Variants in CMSS1 observed in about 807,000 individuals in gnomAD.
The protein encoded by CMSS1 is protein CMSS1.
Under a neutral mutation model 43.5 loss-of-function variants are expected in CMSS1, and 33 were observed. The observed-to-expected ratio is 0.76, with a 90% CI of 0.57 to 1.01. The LOEUF is 1.01. CMSS1 is among the 50% of genes least tolerant of loss of function. The pLI is 0.00. For synonymous variants in CMSS1, 115 were observed against 117.2 expected, an observed-to-expected ratio of 0.98 and a Z score of 0.12; for missense variants, 313 against 326.4, an observed-to-expected ratio of 0.96 and a Z score of 0.32.
At chr3:99,954,985 C>T (rs1708278806) in intron 1 of CMSS1, among the ~76,000 whole-genome samples, 1 of 152,172 alleles carries the variant, frequency 6.6e-6, no homozygotes, top group Admixed American at 6.5e-5. Context: ...CTGCCATTCT[C>T]CTCTCATCTG....
chr3:100,000,550 C>T (rs1342021604), intron 1 of CMSS1, among the ~76,000 whole-genome samples: 2 of 152,114 alleles, frequency 1.3e-5, no homozygotes, highest in Non-Finnish European at 2.9e-5. Flanking sequence ...AGACAATACT[C>T]CTAAAAGTGA....
At chr3:100,154,878 A>G (rs376934370) in intron 2 of CMSS1, among the ~76,000 whole-genome samples, 3 of 152,324 alleles carry the variant, frequency 2.0e-5, no homozygotes, top group South Asian at 4.1e-4. Flanking sequence ...AGGCTGAGGC[A>G]GGAGAATCAT....
At chr3:100,019,751 TATC>T (rs2064774175) in intron 1 of CMSS1, among the ~76,000 whole-genome samples, 1 of 152,206 alleles carries the variant, frequency 6.6e-6, no homozygotes, top group East Asian at 1.9e-4. Flanking sequence ...TCTACAGAAC[TATC>T]ATCTTTCAAA....
At chr3:100,162,191 T>C in intron 3 of CMSS1, 112 bp from the exon 4 acceptor site, 1 of 802,788 alleles carries the variant, frequency 1.2e-6, no homozygotes, top group Non-Finnish European at 1.9e-6. Context: ...ACATTCACAC[T>C]TGGCTAACAC....
At chr3:100,081,049 T>C (rs910690315) in intron 1 of CMSS1, among the ~76,000 whole-genome samples, 1 of 152,244 alleles carries the variant, frequency 6.6e-6, no homozygotes, top group Non-Finnish European at 1.5e-5. Flanking sequence ...AGGTGTTATT[T>C]TAGACACTCT....
chr3:99,828,916 T>TATCATCCCTCTCAATGCTGCCC lies in CMSS1; in HGVS notation c.64+10905_64+10926dup, dbSNP rs879859859. Among the ~76,000 whole-genome samples the TATCATCCCTCTCAATGCTGCCC allele has an allele frequency of 4.1e-3, 627 of 151,286 alleles. 5 individuals carry two copies. The highest frequency in any genetic ancestry group is 0.014 in the African/African-American group (572 of 41,014). The stretch of plus-strand genomic sequence containing the variant: ...GCCCATCATCCCTCTCAATGCTGCC[T>TATCATCCCTCTCAATGCTGCCC]ATCATCCCTCTCAATGCTGCCCATC... On this transcript the variant is annotated intron_variant, in intron 1 of 9. Transcript: ENST00000421999.
At chr3:99,885,166 C>A (rs1459483287) in intron 1 of CMSS1, among the ~76,000 whole-genome samples, 2 of 152,196 alleles carry the variant, frequency 1.3e-5, no homozygotes, top group African/African-American at 4.8e-5. Flanking sequence ...ACTGTTCCAG[C>A]TGAGTTTGGA....
intron 2 of CMSS1, among the ~76,000 whole-genome samples, chr3:100,148,637 AT>A (rs1477130303): frequency 1.3e-5 from 2 of 152,122 alleles, no homozygotes; most frequent in Non-Finnish European, 2.9e-5. Flanking sequence ...GATAACAATT[AT>A]TTCTTCCTCA....
At chr3:99,843,836 GC>G (rs895446302) in intron 1 of CMSS1, among the ~76,000 whole-genome samples, 1 of 152,152 alleles carries the variant, frequency 6.6e-6, no homozygotes, top group African/African-American at 2.4e-5. Context: ...CCTGAGCTCT[GC>G]CTCCTGTCAG....
intron 1 of CMSS1, among the ~76,000 whole-genome samples, chr3:100,118,471 T>C (rs938397400): frequency 2.0e-5 from 3 of 152,146 alleles, no homozygotes; most frequent in Non-Finnish European, 4.4e-5. Context: ...GCTTTTCACT[T>C]ACAGTTGTAT....
rs569654265 is a variant in CMSS1, at chr3:99,982,338, T to A, written c.64+164295T>A. On this transcript the variant is annotated intron_variant, in intron 1 of 9. Transcript: ENST00000421999. ...CAAACTTTCATTCACCATTAGGTAA[T>A]TTTTTACTTTTTTTTTTTTGAGACA... Among the ~76,000 whole-genome samples, 26 of 152,062 alleles carry A rather than the reference T, an allele frequency of 1.7e-4. No individual in the cohort carries two copies. The East Asian group carries it at 4.4e-3, about 26-fold the overall frequency.
chr3:99,843,733 C>G (rs1223687635), intron 1 of CMSS1, among the ~76,000 whole-genome samples: 1 of 152,122 alleles, frequency 6.6e-6, no homozygotes, highest in Non-Finnish European at 1.5e-5. Flanking sequence ...GCAGGGGCCT[C>G]TAAACCCTGG....
chr3:100,092,232 T>C (rs2066122682), intron 1 of CMSS1, among the ~76,000 whole-genome samples: 1 of 152,176 alleles, frequency 6.6e-6, no homozygotes, highest in Non-Finnish European at 1.5e-5. Flanking sequence ...TATAACAGTA[T>C]TAAATAAGAA....
intron 1 of CMSS1, among the ~76,000 whole-genome samples, chr3:99,969,752 T>A (rs1204007452): frequency 6.6e-6 from 1 of 152,128 alleles, no homozygotes; most frequent in African/African-American, 2.4e-5. Context: ...ACCTTGGAAA[T>A]CTGTGACCAT....
chr3:100,082,138 T>TTTC (rs2065941900), intron 1 of CMSS1, among the ~76,000 whole-genome samples: 1 of 152,048 alleles, frequency 6.6e-6, no homozygotes, highest in African/African-American at 2.4e-5. Flanking sequence ...AATTGCAAAA[T>TTTC]ACAAACAACT....
At chr3:99,836,525 C>T (rs1316501773) in intron 1 of CMSS1, among the ~76,000 whole-genome samples, 2 of 152,108 alleles carry the variant, frequency 1.3e-5, no homozygotes, top group African/African-American at 2.4e-5. Context: ...CTGAGACAGC[C>T]AGAGAGAAAA....
chr3:100,136,237 G>A (rs759835740), intron 1 of CMSS1, among the ~76,000 whole-genome samples: 4 of 152,074 alleles, frequency 2.6e-5, no homozygotes, highest in Non-Finnish European at 5.9e-5. Flanking sequence ...CCAGTTTTTT[G>A]CCGTATGTTA....
At chr3:99,822,309 A>G (rs1942453679) in intron 1 of CMSS1, among the ~76,000 whole-genome samples, 1 of 152,190 alleles carries the variant, frequency 6.6e-6, no homozygotes, top group Admixed American at 6.5e-5. Context: ...ATGTCTTTTA[A>G]GGAGGGTCTT....
chr3:100,043,696 T>C (rs2065240148), intron 1 of CMSS1, among the ~76,000 whole-genome samples: 1 of 152,284 alleles, frequency 6.6e-6, no homozygotes, highest in Admixed American at 6.5e-5. Flanking sequence ...TGACAAAAAA[T>C]TGTGTATATT....
Sources: allele counts gnomAD v4.1 joint callset (sites outside exome capture counted in the v4.1 genomes callset), GRCh38; gene constraint gnomAD v4.1.1; transcripts MANE v1.5; gene names NCBI Gene and HGNC (gene_info 2026-07-23, HGNC 2026-07-21).